PTPRK: variants seen among roughly 807,000 people sequenced by gnomAD.
PTPRK encodes protein tyrosine phosphatase receptor type K.
Under a neutral mutation model 178.0 loss-of-function variants are expected in PTPRK, and 75 were observed. That is an observed-to-expected ratio of 0.42 (90% CI 0.35 to 0.51). The LOEUF is 0.51. Among genes scored for constraint, PTPRK ranks in the 20% least tolerant of loss-of-function variants. The pLI, the probability that PTPRK is intolerant of heterozygous loss-of-function variation, is 0.02. For synonymous variants in PTPRK, 637 were observed against 620.6 expected (o/e 1.03, Z -0.39); for missense variants, 1,441 against 1,797.8 (o/e 0.80, Z 3.59).
intron 2 of PTPRK, among the ~76,000 whole-genome samples, chr6:128,353,688 A>G (rs1833508237): frequency 6.6e-6 from 1 of 152,210 alleles, no homozygotes; most frequent in African/African-American, 2.4e-5. Flanking sequence ...GACGTTACAG[A>G]GGAGTAATGA....
chr6:128,020,753 T>C (rs1409422618), intron 13 of PTPRK, among the ~76,000 whole-genome samples: 1 of 152,220 alleles, frequency 6.6e-6, no homozygotes, highest in East Asian at 1.9e-4. Context: ...ATTTTAAACC[T>C]ATTCCCACTC....
chr6:128,192,948 G>GGGAA (rs922928438), intron 6 of PTPRK, among the ~76,000 whole-genome samples: 46 of 149,312 alleles, frequency 3.1e-4, no homozygotes, highest in African/African-American at 9.8e-4. Context: ...GAGGGAAGGA[G>GGGAA]GGAAGGAAGG....
At chr6:128,039,045 G>T (rs961036522) in intron 13 of PTPRK, among the ~76,000 whole-genome samples, 2 of 152,084 alleles carry the variant, frequency 1.3e-5, no homozygotes, top group Admixed American at 6.6e-5. Context: ...TATTCTGAGG[G>T]TGATTTGGCT....
At chr6:128,232,475 T>A (rs1298230331) in intron 5 of PTPRK, among the ~76,000 whole-genome samples, 2 of 152,230 alleles carry the variant, frequency 1.3e-5, no homozygotes, top group African/African-American at 4.8e-5. Flanking sequence ...ATACTTGGAC[T>A]AATTGTAATT....
chr6:128,454,925 T>A (rs1848216870), intron 1 of PTPRK, among the ~76,000 whole-genome samples: 1 of 152,172 alleles, frequency 6.6e-6, no homozygotes, highest in Non-Finnish European at 1.5e-5. Context: ...TTACTCCAAA[T>A]TGACTAATCT....
chr6:128,043,926 A>G (rs887077089), intron 13 of PTPRK, among the ~76,000 whole-genome samples: 1 of 152,008 alleles, frequency 6.6e-6, no homozygotes, highest in Non-Finnish European at 1.5e-5. Flanking sequence ...AATTTTAAAA[A>G]TAGTTTATTA....
intron 7 of PTPRK, among the ~76,000 whole-genome samples, chr6:128,170,410 C>G (rs1403674854): frequency 2.6e-5 from 4 of 151,982 alleles, no homozygotes; most frequent in African/African-American, 7.2e-5. Context: ...ACAAGAACAA[C>G]AAAAAACTCA....
chr6:128,344,591 C>T (rs1012275859), intron 2 of PTPRK, among the ~76,000 whole-genome samples: 2 of 152,050 alleles, frequency 1.3e-5, no homozygotes, highest in Non-Finnish European at 2.9e-5. Flanking sequence ...TCATGGCTCA[C>T]TGCAGCCCTG....
intron 29 of PTPRK, among the ~76,000 whole-genome samples, chr6:127,972,154 G>A (rs767330590): frequency 2.0e-5 from 3 of 152,162 alleles, no homozygotes; most frequent in Non-Finnish European, 4.4e-5. Flanking sequence ...ACTCTTGTGC[G>A]AGCAATCCAT....
chr6:128,013,460 C>T (rs1433474375), intron 13 of PTPRK, among the ~76,000 whole-genome samples: 1 of 151,434 alleles, frequency 6.6e-6, no homozygotes, highest in East Asian at 1.9e-4. Context: ...ATGACAGTCA[C>T]CTTAAGCACA....
chr6:128,359,949 A>AT (rs1834505946), intron 2 of PTPRK, among the ~76,000 whole-genome samples: 1 of 152,094 alleles, frequency 6.6e-6, no homozygotes, highest in Admixed American at 6.6e-5. Context: ...TTTCACAAGC[A>AT]TTTTCCACTG....
intron 6 of PTPRK, among the ~76,000 whole-genome samples, chr6:128,197,258 T>C (rs1805045009): frequency 6.6e-6 from 1 of 150,690 alleles, no homozygotes; most frequent in Admixed American, 6.7e-5. Flanking sequence ...GTTTGTTACA[T>C]AGGTATACAT....
intron 3 of PTPRK, among the ~76,000 whole-genome samples, chr6:128,319,206 GAAACT>G (rs1828455867): frequency 6.6e-6 from 1 of 152,090 alleles, no homozygotes; most frequent in African/African-American, 2.4e-5. Context: ...AATTACTTCA[GAAACT>G]AAACTATCTT....
At chr6:128,268,266 A>T (rs1819259578) in intron 3 of PTPRK, among the ~76,000 whole-genome samples, 1 of 151,968 alleles carries the variant, frequency 6.6e-6, no homozygotes, top group African/African-American at 2.4e-5. Flanking sequence ...TCATGATACA[A>T]TTTTTTAAAA....
intron 6 of PTPRK, among the ~76,000 whole-genome samples, chr6:128,186,965 T>C (rs941729455): frequency 1.3e-5 from 2 of 152,170 alleles, no homozygotes; most frequent in Admixed American, 6.5e-5. Flanking sequence ...ATGGCTCATA[T>C]ACTAACTAAT....
At chr6:128,348,934 G>C (rs753280410) in intron 2 of PTPRK, among the ~76,000 whole-genome samples, 2 of 151,938 alleles carry the variant, frequency 1.3e-5, no homozygotes, top group African/African-American at 2.4e-5. Context: ...ATAAGAAAGC[G>C]AATAAAAATC....
intron 12 of PTPRK, 112 bp from the exon 13 acceptor site, chr6:128,064,906 A>C (rs1200000053): frequency 2.5e-6 from 3 of 1,201,564 alleles, no homozygotes; most frequent in Admixed American, 3.7e-5. Flanking sequence ...GGGATTATAA[A>C]CAACAGAATT....
chr6:128,102,136 T>G (rs193101967), intron 7 of PTPRK, among the ~76,000 whole-genome samples: 1 of 152,296 alleles, frequency 6.6e-6, no homozygotes, highest in East Asian at 1.9e-4. Context: ...ACTAATATGT[T>G]TGCAATATAT....
intron 1 of PTPRK, among the ~76,000 whole-genome samples, chr6:128,412,257 T>C (rs2128379989): frequency 6.6e-6 from 1 of 152,336 alleles, no homozygotes; most frequent in East Asian, 1.9e-4. Context: ...GGCAATGTTC[T>C]AAGCAATCTG....
Sources: gnomAD v4.1 joint callset for allele counts (sites outside exome capture counted in the v4.1 genomes callset) on GRCh38, gnomAD v4.1.1 for gene constraint, MANE v1.5 for transcripts, NCBI Gene and HGNC (gene_info 2026-07-23, HGNC 2026-07-21) for gene names.